The following SESN1 variants were observed in gnomAD, a reference collection of about 807,000 sequenced individuals.
SESN1 encodes the protein sestrin 1, also known as sestrin-1.
Under a neutral mutation model 59.3 loss-of-function variants are expected in SESN1, and 30 were observed. The ratio of observed to expected loss-of-function variants is 0.51; its 90% confidence interval spans 0.38 to 0.69. The LOEUF is 0.69. Among genes scored for constraint, SESN1 ranks in the 30% least tolerant of loss-of-function variants. The pLI is 0.00. For missense variants in SESN1, 566 were observed against 673.0 expected (o/e 0.84, Z 1.76); for synonymous variants, 197 against 219.9 (o/e 0.90, Z 0.92).
At chr6:109,079,995 T>A (rs992068696) in intron 1 of SESN1, among the ~76,000 whole-genome samples, 28 of 152,328 alleles carry the variant, frequency 1.8e-4, no homozygotes, top group Non-Finnish European at 2.8e-4. Context: ...TGATATGTAA[T>A]GCAAAACCGT....
At chr6:109,057,064 GAC>G (rs1272479183) in intron 1 of SESN1, among the ~76,000 whole-genome samples, 2 of 152,148 alleles carry the variant, frequency 1.3e-5, no homozygotes, top group Non-Finnish European at 2.9e-5. Flanking sequence ...TTCTCCTGCT[GAC>G]AGTCATGTGA....
chr6:109,004,421 C>A (rs75995854), intron 1 of SESN1, among the ~76,000 whole-genome samples: 14,945 of 150,946 alleles, frequency 0.099, 902 homozygotes, highest in Middle Eastern at 0.2. Flanking sequence ...TAAATCAATA[C>A]GAAAATCCCC....
chr6:109,073,973 C>T (rs1445312155), intron 1 of SESN1, among the ~76,000 whole-genome samples: 3 of 152,176 alleles, frequency 2.0e-5, no homozygotes, highest in Admixed American at 6.5e-5. Flanking sequence ...CATACAGTCA[C>T]GTGTCACATA....
chr6:109,032,181 A>G (rs1265985750), intron 1 of SESN1, among the ~76,000 whole-genome samples: 1 of 152,114 alleles, frequency 6.6e-6, no homozygotes, highest in African/African-American at 2.4e-5. Context: ...TTGAGGCAGG[A>G]AAATCACTTG....
chr6:109,017,515 C>T (rs1374382359), intron 1 of SESN1, among the ~76,000 whole-genome samples: 7 of 152,062 alleles, frequency 4.6e-5, no homozygotes, highest in African/African-American at 1.7e-4. Context: ...TCGATCTCCT[C>T]ACCTCGTGAT....
chr6:109,021,456 T>A (rs113356513), intron 1 of SESN1, among the ~76,000 whole-genome samples: 2,310 of 152,080 alleles, frequency 0.015, 36 homozygotes, highest in Non-Finnish European at 0.023. Context: ...TCTTGCCTCA[T>A]CCTTCTTTTT....
intron 1 of SESN1, among the ~76,000 whole-genome samples, chr6:109,058,711 T>C (rs971390614): frequency 6.6e-6 from 1 of 152,124 alleles, no homozygotes; most frequent in Admixed American, 6.5e-5. Flanking sequence ...TGCTGAGAGA[T>C]AGAAGCAATG....
intron 1 of SESN1, among the ~76,000 whole-genome samples, chr6:109,087,759 C>G (rs1185427276): frequency 3.3e-5 from 5 of 152,094 alleles, no homozygotes; most frequent in Non-Finnish European, 7.4e-5. Flanking sequence ...AGAATGTCTC[C>G]AATCTGTTAT....
At chr6:109,071,704 G>C (rs1488909665) in intron 1 of SESN1, among the ~76,000 whole-genome samples, 1 of 152,110 alleles carries the variant, frequency 6.6e-6, no homozygotes, top group Non-Finnish European at 1.5e-5. Flanking sequence ...AGAAACTCAA[G>C]TACAAATATT....
intron 1 of SESN1, among the ~76,000 whole-genome samples, chr6:109,075,634 A>C (rs1057512531): frequency 6.6e-6 from 1 of 152,148 alleles, no homozygotes; most frequent in African/African-American, 2.4e-5. Context: ...CTTGGATGAA[A>C]ACTCTTCCCA....
At chr6:109,009,396 C>G in intron 1 of SESN1, 1 of 1,461,818 alleles carries the variant, frequency 6.8e-7, no homozygotes, top group Non-Finnish European at 9.0e-7. Context: ...CTGCTTGCAG[C>G]CCAGCAGCCC....
At chr6:109,013,588 C>A (rs1448771874) in intron 1 of SESN1, among the ~76,000 whole-genome samples, 1 of 152,214 alleles carries the variant, frequency 6.6e-6, no homozygotes, top group Non-Finnish European at 1.5e-5. Context: ...AAGGCATAAT[C>A]ATACTTTTAT....
At chr6:109,057,446 C>A (rs1780649804) in intron 1 of SESN1, among the ~76,000 whole-genome samples, 1 of 152,136 alleles carries the variant, frequency 6.6e-6, no homozygotes, top group African/African-American at 2.4e-5. Flanking sequence ...TGGAGGCAGA[C>A]CCCTATCTGT....
At chr6:109,031,417 C>T (rs1780180380) in intron 1 of SESN1, among the ~76,000 whole-genome samples, 1 of 152,130 alleles carries the variant, frequency 6.6e-6, no homozygotes, top group Non-Finnish European at 1.5e-5. Context: ...CAGCCTCACA[C>T]CACCACCAAA....
chr6:109,054,368 T>C (rs537991554), intron 1 of SESN1, among the ~76,000 whole-genome samples: 6 of 152,170 alleles, frequency 3.9e-5, no homozygotes, highest in African/African-American at 1.4e-4. Context: ...AGTCTAAAGG[T>C]GAAAAAATAT....
chr6:109,090,125 T>C (rs977176968), intron 1 of SESN1, among the ~76,000 whole-genome samples: 1 of 152,262 alleles, frequency 6.6e-6, no homozygotes, highest in African/African-American at 2.4e-5. Context: ...CACTGTGCTA[T>C]GCTTTGCAAA....
chr6:109,020,182 C>CT (rs1258415768), intron 1 of SESN1, among the ~76,000 whole-genome samples: 1 of 152,206 alleles, frequency 6.6e-6, no homozygotes, highest in East Asian at 1.9e-4. Context: ...TAAGCTTCTT[C>CT]TTTTTTTCTT....
intron 1 of SESN1, among the ~76,000 whole-genome samples, chr6:109,068,813 T>C (rs1780878857): frequency 6.6e-6 from 1 of 151,364 alleles, no homozygotes; most frequent in African/African-American, 2.4e-5. Flanking sequence ...CTCCGTCTCC[T>C]GGGTTCAAGC....
intron 1 of SESN1, chr6:109,008,763 A>T: frequency 1.0e-6 from 1 of 984,606 alleles, no homozygotes; most frequent in Non-Finnish European, 1.2e-6. Context: ...TTTCTAAAGG[A>T]CAATTCAGAA....
Sources: gnomAD v4.1 joint callset for allele counts (sites outside exome capture counted in the v4.1 genomes callset) on GRCh38, gnomAD v4.1.1 for gene constraint, MANE v1.5 for transcripts, NCBI Gene and HGNC (gene_info 2026-07-23, HGNC 2026-07-21) for gene names.